NCOR1: variants seen among roughly 807,000 people sequenced by gnomAD.
NCOR1 encodes the protein nuclear receptor corepressor 1, also known as protein phosphatase 1, regulatory subunit 109.
In NCOR1, 63 loss-of-function variants were observed where a neutral mutation model predicts 288.1. The observed-to-expected ratio is 0.22, with a 90% confidence interval of 0.18 to 0.27. The LOEUF is 0.27. Ranked by LOEUF, NCOR1 falls within the 10% of genes least tolerant of loss-of-function variation. The pLI is 1.00. For missense variants in NCOR1, 2,397 were observed against 3,019.2 expected, an observed-to-expected ratio of 0.79 and a Z score of 4.83; for synonymous variants, 1,007 against 1,065.9, an observed-to-expected ratio of 0.94 and a Z score of 1.08.
At position 16,158,802 on chromosome 17, in the gene NCOR1, C is replaced by T; in HGVS notation, c.690G>A (p.Gln230=). 6.2e-7 allele frequency: 1 copy of T among 1,614,128 alleles called. No individual in the cohort carries two copies. Among genetic ancestry groups the T allele is most frequent in the African/African-American group, 1.3e-5 (1 of 75,034 alleles). Residue 230 remains glutamine, a synonymous_variant, in exon 6 of 46, where the codon CAG becomes CAA. Coordinates refer to ENST00000268712, the MANE Select transcript of NCOR1 (RefSeq NM_006311.4). ...TAATTTGGACAATACTGCGGTGTTT[C>T]TGCTCCACAGGAGGAGGGGACACGG... ...EKPVSPPPVE[Q]KHRSIVQIIY...
intron 37 of NCOR1, among the ~76,000 whole-genome samples, chr17:16,060,654 G>A (rs2060451456): frequency 6.6e-6 from 1 of 152,088 alleles, no homozygotes; most frequent in African/African-American, 2.4e-5. Context: ...GCATTCTGGA[G>A]CATGAGAAAT....
intron 21 of NCOR1, among the ~76,000 whole-genome samples, chr17:16,097,203 G>C (rs1186615381): frequency 6.6e-5 from 10 of 152,206 alleles, no homozygotes; most frequent in Non-Finnish European, 1.2e-4. Context: ...ATTGCCTCAG[G>C]ATAAGGGCTG....
chr17:16,170,557 C>G (rs178839), intron 4 of NCOR1, among the ~76,000 whole-genome samples: 80,703 of 151,848 alleles, frequency 0.53, 21,850 homozygotes, highest in Middle Eastern at 0.62. Context: ...AACATAGGCC[C>G]GGCACAGTGG....
chr17:16,048,470 G>T (rs1353228446), intron 41 of NCOR1, among the ~76,000 whole-genome samples: 1 of 151,992 alleles, frequency 6.6e-6, no homozygotes, highest in Non-Finnish European at 1.5e-5. Context: ...TTGGGGTCAC[G>T]GTTAGAAATA....
At chr17:16,074,639 A>G (rs2062173333) in intron 27 of NCOR1, among the ~76,000 whole-genome samples, 1 of 152,220 alleles carries the variant, frequency 6.6e-6, no homozygotes, top group African/African-American at 2.4e-5. Context: ...AAGAGAAAGC[A>G]TAGCTCATGA....
rs1264113114 is a variant in NCOR1, at chr17:16,088,153, G to A, written c.3017-1711C>T. 2.6e-5 allele frequency among the ~76,000 whole-genome samples: 4 copies of A among 152,076 alleles called. No homozygotes were observed. In the East Asian group the frequency reaches 7.7e-4, roughly 29 times the overall value. ...TAGTTGTATCCATTTATCTTTCCAA[G>A]TAAATCTAAATTTAAAATCATTGAG... On this transcript the variant is annotated intron_variant, in intron 22 of 45. Transcript: ENST00000268712.
chr17:16,071,277 A>AT, intron 30 of NCOR1, 132 bp downstream of exon 30: 24 of 1,240,624 alleles, frequency 1.9e-5, no homozygotes, highest in Admixed American at 4.7e-5. Context: ...AAAAAAAAAA[A>AT]GGTACAGGAA....
chr17:16,196,702 G>A (rs1268851832), intron 1 of NCOR1, among the ~76,000 whole-genome samples: 1 of 151,756 alleles, frequency 6.6e-6, no homozygotes, highest in African/African-American at 2.4e-5. Context: ...GCGGGTGCCT[G>A]TAGTCCCAGC....
chr17:16,129,171 A>G (rs1434267769), intron 14 of NCOR1, among the ~76,000 whole-genome samples: 2 of 152,178 alleles, frequency 1.3e-5, no homozygotes, highest in Non-Finnish European at 2.9e-5. Context: ...GGTCATGGCC[A>G]TTAAACTCCC....
intron 40 of NCOR1, among the ~76,000 whole-genome samples, chr17:16,053,550 T>TA (rs1282966354): frequency 6.6e-6 from 1 of 151,858 alleles, no homozygotes; most frequent in Non-Finnish European, 1.5e-5. Context: ...GATGAAAAGA[T>TA]AAAAAATGAA....
intron 5 of NCOR1, 93 bp downstream of exon 5, chr17:16,164,886 T>C: frequency 1.1e-6 from 1 of 898,170 alleles, no homozygotes; most frequent in Non-Finnish European, 1.6e-6. Flanking sequence ...ATGATTCCTT[T>C]TATGTAAAGT....
intron 31 of NCOR1, chr17:16,068,372 T>A (rs938464034): frequency 9.5e-6 from 4 of 419,592 alleles, no homozygotes; most frequent in Non-Finnish European, 1.7e-5. Flanking sequence ...TTTTACCACC[T>A]TATGTAACAT....
Position 16,031,792 on chromosome 17 carries a change from G to A in NCOR1, c.*504C>T, listed in dbSNP as rs1042393271. On this transcript the variant is annotated 3_prime_UTR_variant, in exon 46 of 46. Coordinates refer to ENST00000268712, the MANE Select transcript of NCOR1 (RefSeq NM_006311.4). ...AATATCAGATAAAAGTACAATGCCC[G>A]TGACAGCCAACATTATGTAACTGGG... 3.0e-5 allele frequency: 7 copies of A among 230,852 alleles called. No homozygotes were observed. The highest frequency in any genetic ancestry group is 6.2e-5 in the East Asian group (1 of 16,214). The allele number at this position is 230,852 out of a possible 1,614,324, so 14.3% of individuals were successfully genotyped here. A position where few individuals can be genotyped will look rare whatever the true frequency, so the allele number is the denominator to read the frequency against.
At chr17:16,057,463 AT>A in intron 40 of NCOR1, 50 bp downstream of exon 40, 1 of 1,537,924 alleles carries the variant, frequency 6.5e-7, no homozygotes. Context: ...GATATATTCC[AT>A]TTGTTTTACT....
rs143507110 is a variant in NCOR1, at chr17:16,172,403, A to C, written c.243-408T>G. Among the ~76,000 whole-genome samples, 818 of 152,310 alleles carry C rather than the reference A, an allele frequency of 5.4e-3. 5 individuals are homozygous for C. The highest frequency in any genetic ancestry group is 0.019 in the African/African-American group (775 of 41,574). On this transcript the variant is annotated intron_variant, in intron 3 of 45. Coordinates refer to ENST00000268712, the MANE Select transcript of NCOR1 (RefSeq NM_006311.4). ...GGGGAGGATTAAAAACTAATCTAGA[A>C]GTGAAAGACAAAACAGAACATTTGC... is the stretch of plus-strand genomic sequence containing the variant.
intron 3 of NCOR1, among the ~76,000 whole-genome samples, chr17:16,181,091 G>GAACC: frequency 6.6e-6 from 1 of 152,148 alleles, no homozygotes; most frequent in African/African-American, 2.4e-5. Flanking sequence ...CCCAGGAGGT[G>GAACC]GAGGTTGCAG....
intron 9 of NCOR1, among the ~76,000 whole-genome samples, chr17:16,146,753 C>T (rs2078049462): frequency 6.6e-6 from 1 of 152,152 alleles, no homozygotes; most frequent in Admixed American, 6.5e-5. Flanking sequence ...CACAGGTTGG[C>T]TGGATTTTTT....
chr17:16,092,958 C>A (rs1328722005), intron 21 of NCOR1, among the ~76,000 whole-genome samples: 2 of 151,636 alleles, frequency 1.3e-5, no homozygotes, highest in African/African-American at 2.4e-5. Context: ...CTCACCTCAG[C>A]CTCCCGAAAT....
intron 1 of NCOR1, among the ~76,000 whole-genome samples, chr17:16,212,280 A>G (rs1247811949): frequency 1.3e-5 from 2 of 152,056 alleles, no homozygotes; most frequent in Non-Finnish European, 2.9e-5. Flanking sequence ...GGAAAAAAAA[A>G]GAAAAAAAAA....
Sources: gnomAD v4.1 joint callset for allele counts (sites outside exome capture counted in the v4.1 genomes callset) on GRCh38, gnomAD v4.1.1 for gene constraint, MANE v1.5 for transcripts, NCBI Gene and HGNC (gene_info 2026-07-23, HGNC 2026-07-21) for gene names.